The following ZNF385D variants were observed in gnomAD, a reference collection of about 807,000 sequenced individuals.
The protein encoded by ZNF385D is zinc finger protein 385D, also known as zinc finger protein 659.
ZNF385D carries 15 observed loss-of-function variants against 35.8 expected under a neutral mutation model. The ratio of observed to expected loss-of-function variants is 0.42; its 90% CI spans 0.28 to 0.64. ZNF385D has a LOEUF of 0.64. Ranked by LOEUF, ZNF385D falls within the 30% of genes least tolerant of loss-of-function variation. The probability of loss-of-function intolerance (pLI) is 0.23; values close to 1 mark genes in which losing one functional copy is unlikely to be tolerated. For synonymous variants in ZNF385D, 212 were observed against 186.8 expected, an observed-to-expected ratio of 1.13 and a Z score of -1.10; for missense variants, 474 against 494.6, an observed-to-expected ratio of 0.96 and a Z score of 0.39.
intron 3 of ZNF385D, among the ~76,000 whole-genome samples, chr3:21,782,156 G>C (rs2071515070): frequency 6.6e-6 from 1 of 152,034 alleles, no homozygotes; most frequent in African/African-American, 2.4e-5. Context: ...TGCTTTTCAT[G>C]GTGGTCAATC....
At chr3:22,241,182 C>G (rs1289629215) in intron 2 of ZNF385D, among the ~76,000 whole-genome samples, 1 of 151,102 alleles carries the variant, frequency 6.6e-6, no homozygotes, top group Non-Finnish European at 1.5e-5. Flanking sequence ...AAACATTTTT[C>G]TCCTTTCCCC....
intron 2 of ZNF385D, among the ~76,000 whole-genome samples, chr3:22,264,185 G>C (rs1700778110): frequency 6.6e-6 from 1 of 151,950 alleles, no homozygotes; most frequent in African/African-American, 2.4e-5. Context: ...CTAGGTCTTG[G>C]CAGAAATTCA....
intron 2 of ZNF385D, among the ~76,000 whole-genome samples, chr3:22,174,630 C>A (rs778005976): frequency 1.4e-4 from 21 of 152,070 alleles, no homozygotes; most frequent in Non-Finnish European, 2.8e-4. Flanking sequence ...AGGCTAAACA[C>A]TGAAAATTCC....
intron 2 of ZNF385D, among the ~76,000 whole-genome samples, chr3:22,239,952 G>A (rs565045549): frequency 6.7e-6 from 1 of 150,258 alleles, no homozygotes; most frequent in Non-Finnish European, 1.5e-5. Context: ...CAAGACAGGT[G>A]GATCACTCGA....
chr3:21,527,160 A>G (rs1708276285), intron 3 of ZNF385D, among the ~76,000 whole-genome samples: 1 of 152,196 alleles, frequency 6.6e-6, no homozygotes, highest in Non-Finnish European at 1.5e-5. Flanking sequence ...TTTTTCTATC[A>G]GTAGGTACAT....
intron 3 of ZNF385D, among the ~76,000 whole-genome samples, chr3:22,141,074 G>A (rs1000258509): frequency 6.6e-6 from 1 of 152,138 alleles, no homozygotes; most frequent in Non-Finnish European, 1.5e-5. Context: ...GAGATTTACT[G>A]TAGCCCATTT....
At chr3:21,812,876 A>G (rs2072990670) in intron 3 of ZNF385D, among the ~76,000 whole-genome samples, 1 of 152,182 alleles carries the variant, frequency 6.6e-6, no homozygotes, top group African/African-American at 2.4e-5. Context: ...TTGAGATCTG[A>G]GAATGGACAG....
chr3:21,854,445 C>A (rs1469101544), intron 3 of ZNF385D, among the ~76,000 whole-genome samples: 2 of 151,914 alleles, frequency 1.3e-5, no homozygotes, highest in Non-Finnish European at 2.9e-5. Flanking sequence ...GCCGGATTAG[C>A]TTCATGGGCA....
chr3:22,095,114 G>A (rs997135869), intron 3 of ZNF385D, among the ~76,000 whole-genome samples: 1 of 5,818 alleles, frequency 1.7e-4, no homozygotes, highest in African/African-American at 0.011. Context: ...TTGTAGAGAT[G>A]GGGGGTCTCA....
intron 3 of ZNF385D, among the ~76,000 whole-genome samples, chr3:21,967,291 T>C (rs183091400): frequency 6.6e-6 from 1 of 152,078 alleles, no homozygotes; most frequent in Non-Finnish European, 1.5e-5. Flanking sequence ...ATTAAGAAAA[T>C]TTTTTCCCCC....
At chr3:22,221,811 G>A (rs1698272700) in intron 2 of ZNF385D, among the ~76,000 whole-genome samples, 5 of 151,980 alleles carry the variant, frequency 3.3e-5, no homozygotes, top group Admixed American at 2.6e-4. Context: ...ATCTTTGTGT[G>A]GTTAAGTTTT....
chr3:22,203,130 C>T (rs750885434), intron 2 of ZNF385D, among the ~76,000 whole-genome samples: 9 of 152,046 alleles, frequency 5.9e-5, no homozygotes, highest in East Asian at 1.9e-4. Context: ...CAAAAGATAA[C>T]GTCCCCTCCA....
intron 3 of ZNF385D, among the ~76,000 whole-genome samples, chr3:21,963,562 A>T (rs935598939): frequency 6.6e-6 from 1 of 152,170 alleles, no homozygotes; most frequent in African/African-American, 2.4e-5. Context: ...ACCAATCAAA[A>T]CACCGAATTC....
At chr3:21,835,871 C>T (rs979221388) in intron 3 of ZNF385D, among the ~76,000 whole-genome samples, 1 of 151,608 alleles carries the variant, frequency 6.6e-6, no homozygotes, top group Non-Finnish European at 1.5e-5. Context: ...TTCCATAATC[C>T]CTCATTTGTT....
At chr3:21,975,700 G>T (rs1443396918) in intron 3 of ZNF385D, among the ~76,000 whole-genome samples, 1 of 95,346 alleles carries the variant, frequency 1.0e-5, no homozygotes, top group African/African-American at 3.6e-5. Context: ...ATGTACCCAC[G>T]AAATATATAT....
At chr3:21,830,148 G>A (rs1694896761) in intron 3 of ZNF385D, among the ~76,000 whole-genome samples, 2 of 152,042 alleles carry the variant, frequency 1.3e-5, no homozygotes, top group African/African-American at 4.8e-5. Flanking sequence ...GCATTTTAGA[G>A]TTATCTAAGA....
At chr3:22,124,783 AGTT>A (rs1304246072) in intron 3 of ZNF385D, among the ~76,000 whole-genome samples, 1 of 152,080 alleles carries the variant, frequency 6.6e-6, no homozygotes, top group African/African-American at 2.4e-5. Context: ...TATCCTATAG[AGTT>A]GTTTGAGCTC....
At chr3:22,016,101 T>G (rs916941206) in intron 3 of ZNF385D, among the ~76,000 whole-genome samples, 1 of 152,126 alleles carries the variant, frequency 6.6e-6, no homozygotes, top group African/African-American at 2.4e-5. Context: ...GTTAGAGTGC[T>G]CATAGATTTT....
intron 4 of ZNF385D, among the ~76,000 whole-genome samples, chr3:21,464,489 A>G (rs57028860): frequency 0.14 from 20,977 of 152,072 alleles, 1,728 homozygotes; most frequent in East Asian, 0.2. Flanking sequence ...ACATATACAC[A>G]CAGAGAACCT....
Sources: gnomAD v4.1 joint callset for allele counts (sites outside exome capture counted in the v4.1 genomes callset) on GRCh38, gnomAD v4.1.1 for gene constraint, MANE v1.5 for transcripts, NCBI Gene and HGNC (gene_info 2026-07-23, HGNC 2026-07-21) for gene names.